PIGU: variants seen among roughly 807,000 people sequenced by gnomAD.
PIGU encodes GPI-anchor transamidase component PIGU.
Under a neutral mutation model 49.9 loss-of-function variants are expected in PIGU, and 24 were observed. The ratio of observed to expected loss-of-function variants is 0.48; its 90% CI spans 0.35 to 0.68. The LOEUF (loss-of-function observed/expected upper bound fraction) is 0.68. Ranked by LOEUF, PIGU falls within the 30% of genes least tolerant of loss-of-function variation. The pLI is 0.01. For missense variants in PIGU, 490 were observed against 532.6 expected, an observed-to-expected ratio of 0.92 and a Z score of 0.79; for synonymous variants, 220 against 205.7, an observed-to-expected ratio of 1.07 and a Z score of -0.59.
chr20:34,629,994 C>T (rs1475885532), intron 6 of PIGU, among the ~76,000 whole-genome samples: 1 of 152,120 alleles, frequency 6.6e-6, no homozygotes, highest in Non-Finnish European at 1.5e-5. Context: ...CAGTGGCCTA[C>T]AAAGAGGATT....
intron 7 of PIGU, among the ~76,000 whole-genome samples, chr20:34,613,362 T>G (rs1263702632): frequency 6.6e-6 from 1 of 152,186 alleles, no homozygotes; most frequent in East Asian, 1.9e-4. Flanking sequence ...AGGTACTTAG[T>G]AAATATTGGT....
At chr20:34,665,351 C>A (rs1392834879) in intron 1 of PIGU, among the ~76,000 whole-genome samples, 2 of 150,726 alleles carry the variant, frequency 1.3e-5, no homozygotes, top group Non-Finnish European at 3.0e-5. Flanking sequence ...CTACAGGCGC[C>A]CGCTACCACG....
chr20:34,613,062 C>T (rs540563942), intron 7 of PIGU, among the ~76,000 whole-genome samples: 2 of 152,212 alleles, frequency 1.3e-5, no homozygotes, highest in East Asian at 1.9e-4. Context: ...AAACTCCTTC[C>T]GCTCCTGTCC....
chr20:34,656,280 ATTTT>A (rs752461467), intron 2 of PIGU, among the ~76,000 whole-genome samples: 2 of 43,214 alleles, frequency 4.6e-5, no homozygotes, highest in African/African-American at 8.8e-5. Context: ...CCTGTTTATA[ATTTT>A]TTTTTTTTTT....
intron 1 of PIGU, among the ~76,000 whole-genome samples, chr20:34,674,947 G>GA (rs71196750): frequency 9.4e-5 from 12 of 127,912 alleles, no homozygotes; most frequent in Admixed American, 1.6e-4. Flanking sequence ...GTCTCTTGAA[G>GA]AAAAAAAAAA....
At chr20:34,660,578 CCTT>C (rs904056230) in intron 1 of PIGU, among the ~76,000 whole-genome samples, 12 of 152,294 alleles carry the variant, frequency 7.9e-5, no homozygotes, top group South Asian at 6.2e-4. Context: ...GAGTGAAACT[CCTT>C]CTCAAAAAGC....
Position 34,637,951 on chromosome 20 carries a change from T to A in PIGU, c.353A>T (p.Gln118Leu). Residue 118 changes from glutamine to leucine, a missense_variant, in exon 5 of 12, where the codon CAG becomes CTG. Physicochemically the swap from Gln to Leu is moderately radical, Grantham distance 113. Coordinates refer to ENST00000217446, the MANE Select transcript of PIGU (RefSeq NM_080476.5). ...GAGTTCGGCCACATCTGGGGCATAC[T>A]GGTCCAGTTCTAGGAGGAGTTTCTG... ...KKQKLLLELDQYAPDVAELIR... is the reference protein window; with the variant it reads ...KKQKLLLELDLYAPDVAELIR... The A allele has an allele frequency of 6.3e-7, 1 of 1,599,234 alleles. No individual in the cohort carries two copies. The highest frequency in any genetic ancestry group is 8.5e-7 in the Non-Finnish European group (1 of 1,175,014).
At chr20:34,627,121 A>T (rs1985519545) in intron 6 of PIGU, among the ~76,000 whole-genome samples, 1 of 152,154 alleles carries the variant, frequency 6.6e-6, no homozygotes, top group Admixed American at 6.5e-5. Context: ...GAGGGTCTCT[A>T]TTTATAGTAG....
chr20:34,646,239 T>G (rs2146772472), intron 2 of PIGU, among the ~76,000 whole-genome samples: 1 of 152,320 alleles, frequency 6.6e-6, no homozygotes, highest in East Asian at 1.9e-4. Context: ...ACATTCAGAT[T>G]TGCTGTTTTT....
intron 2 of PIGU, among the ~76,000 whole-genome samples, chr20:34,652,339 A>G (rs1986569512): frequency 6.6e-6 from 1 of 152,192 alleles, no homozygotes; most frequent in Non-Finnish European, 1.5e-5. Context: ...GTATACATCC[A>G]TAAAACCATT....
At chr20:34,589,240 T>A (rs1983846063) in intron 7 of PIGU, among the ~76,000 whole-genome samples, 1 of 152,086 alleles carries the variant, frequency 6.6e-6, no homozygotes, top group African/African-American at 2.4e-5. Context: ...AAAATATAAT[T>A]GGAACCTAAG....
chr20:34,675,264 AAAAAAGAG>A (rs1346489292), intron 1 of PIGU, among the ~76,000 whole-genome samples: 1,913 of 133,788 alleles, frequency 0.014, 15 homozygotes, highest in Non-Finnish European at 0.023. Context: ...AAAAAAAAAA[AAAAAAGAG>A]AGAGAGAGAA....
chr20:34,665,589 C>A (rs1987066108), intron 1 of PIGU, among the ~76,000 whole-genome samples: 2 of 152,028 alleles, frequency 1.3e-5, no homozygotes, highest in South Asian at 4.1e-4. Context: ...ATCTGCCCGC[C>A]TCAGCCTCCC....
intron 1 of PIGU, among the ~76,000 whole-genome samples, chr20:34,663,010 C>T (rs981168870): frequency 2.0e-5 from 3 of 152,086 alleles, no homozygotes; most frequent in Admixed American, 6.6e-5. Context: ...TGGGCACAAG[C>T]GATCATCCCA....
At chr20:34,630,622 A>G (rs988432098) in intron 6 of PIGU, among the ~76,000 whole-genome samples, 34 of 152,146 alleles carry the variant, frequency 2.2e-4, no homozygotes, top group African/African-American at 7.5e-4. Context: ...GTCTCCAGTC[A>G]ATATGTTAGT....
rs139614250 is a variant in PIGU, at chr20:34,573,817, G to A, written c.1194+1287C>T. On this transcript the variant is annotated intron_variant, in intron 11 of 11. Coordinates refer to ENST00000217446, the MANE Select transcript of PIGU (RefSeq NM_080476.5). ...GTGTGAGAGACAGAACAGGCCCTCC[G>A]GCTGGGCCCCACCCAGGCTACAAGG... 9.2e-5 allele frequency among the ~76,000 whole-genome samples: 14 copies of A among 152,362 alleles called. No individual in the cohort carries two copies. In the East Asian group the frequency reaches 9.6e-4, roughly 10 times the overall value.
chr20:34,608,606 A>G (rs1323705521), intron 7 of PIGU, among the ~76,000 whole-genome samples: 2 of 152,136 alleles, frequency 1.3e-5, no homozygotes, highest in Non-Finnish European at 2.9e-5. Context: ...CTAGAGGGCT[A>G]TGCCTACAGA....
intron 10 of PIGU, among the ~76,000 whole-genome samples, chr20:34,578,829 G>A (rs530393727): frequency 3.3e-5 from 5 of 152,186 alleles, no homozygotes; most frequent in South Asian, 2.1e-4. Flanking sequence ...ATCAGAAAGC[G>A]TCAGAGGTGA....
At chr20:34,638,113 G>A in intron 4 of PIGU, 128 bp from the exon 5 acceptor site, 1 of 1,382,478 alleles carries the variant, frequency 7.2e-7, no homozygotes, top group Non-Finnish European at 9.3e-7. Flanking sequence ...TACCTCTCCA[G>A]GCTCATCTCA....
Sources: gnomAD v4.1 joint callset for allele counts (sites outside exome capture counted in the v4.1 genomes callset) on GRCh38, gnomAD v4.1.1 for gene constraint, MANE v1.5 for transcripts, NCBI Gene and HGNC (gene_info 2026-07-23, HGNC 2026-07-21) for gene names.